Variants in DAB1 observed in about 807,000 individuals in gnomAD.
DAB1 encodes DAB adaptor protein 1.
DAB1 carries 15 observed loss-of-function variants against 64.6 expected under a neutral mutation model. The observed-to-expected ratio is 0.23, with a 90% CI of 0.16 to 0.36. The LOEUF is 0.36. Among genes scored for constraint, DAB1 ranks in the 10% least tolerant of loss-of-function variants. DAB1 has a pLI of 1.00. For synonymous variants in DAB1, 235 were observed against 251.9 expected (o/e 0.93, Z 0.64); for missense variants, 596 against 706.7 (o/e 0.84, Z 1.78).
At chr1:57,910,430 G>A (rs1644624669) in intron 5 of DAB1, among the ~76,000 whole-genome samples, 1 of 152,168 alleles carries the variant, frequency 6.6e-6, no homozygotes. Flanking sequence ...AATACCTTGG[G>A]AACAGCCGTT....
intron 4 of DAB1, among the ~76,000 whole-genome samples, chr1:57,113,820 T>C (rs1655874677): frequency 6.6e-6 from 1 of 152,200 alleles, no homozygotes; most frequent in South Asian, 2.1e-4. Flanking sequence ...ACTAGGTATA[T>C]ATAGCACTGA....
At chr1:58,372,638 C>T (rs1202486732) in intron 3 of DAB1, among the ~76,000 whole-genome samples, 1 of 152,188 alleles carries the variant, frequency 6.6e-6, no homozygotes, top group Non-Finnish European at 1.5e-5. Flanking sequence ...ACCCAAAGCT[C>T]ATCTTGAATT....
intron 6 of DAB1, among the ~76,000 whole-genome samples, chr1:57,681,092 A>T (rs900076550): frequency 3.3e-5 from 5 of 152,232 alleles, no homozygotes; most frequent in Admixed American, 3.3e-4. Context: ...TGAGACCAAG[A>T]TGTCAGCAGT....
At chr1:57,028,066 G>T (rs1159486866) in intron 9 of DAB1, among the ~76,000 whole-genome samples, 3 of 152,248 alleles carry the variant, frequency 2.0e-5, no homozygotes, top group Non-Finnish European at 4.4e-5. Context: ...GATGCTGTGG[G>T]AGTACCTAGA....
intron 6 of DAB1, among the ~76,000 whole-genome samples, chr1:57,781,182 T>G (rs1650083233): frequency 7.6e-6 from 1 of 131,838 alleles, no homozygotes; most frequent in Non-Finnish European, 1.6e-5. Context: ...AGTTGCCTAA[T>G]TACTTTTTCA....
intron 7 of DAB1, among the ~76,000 whole-genome samples, chr1:57,528,014 G>A (rs190654711): frequency 6.6e-6 from 1 of 151,922 alleles, no homozygotes; most frequent in African/African-American, 2.4e-5. Flanking sequence ...AAAGAAAATT[G>A]GCTTACAGAT....
At chr1:57,488,087 A>G (rs1177387607) in intron 7 of DAB1, among the ~76,000 whole-genome samples, 1 of 152,168 alleles carries the variant, frequency 6.6e-6, no homozygotes, top group Non-Finnish European at 1.5e-5. Context: ...TGCTGGATCA[A>G]TTGGTATGCA....
chr1:58,020,912 A>G (rs971254994), intron 5 of DAB1, among the ~76,000 whole-genome samples: 2 of 152,204 alleles, frequency 1.3e-5, no homozygotes, highest in Admixed American at 6.5e-5. Context: ...CTGAGGCAGG[A>G]GAATCACTTG....
At chr1:57,828,599 G>A (rs1652457260) in intron 1 of DAB1, among the ~76,000 whole-genome samples, 1 of 152,222 alleles carries the variant, frequency 6.6e-6, no homozygotes, top group African/African-American at 2.4e-5. Context: ...ATGCAGCCAT[G>A]TATGCATGTA....
At chr1:58,373,582 T>C (rs1644292480) in intron 3 of DAB1, among the ~76,000 whole-genome samples, 1 of 151,906 alleles carries the variant, frequency 6.6e-6, no homozygotes, top group Non-Finnish European at 1.5e-5. Flanking sequence ...TTGTTGGACA[T>C]TTGGGTTGGT....
intron 6 of DAB1, among the ~76,000 whole-genome samples, chr1:57,712,065 A>T (rs1647034877): frequency 6.6e-6 from 1 of 152,124 alleles, no homozygotes; most frequent in Non-Finnish European, 1.5e-5. Context: ...CCTGCAGATA[A>T]ATTTTTTACG....
chr1:57,963,129 T>C (rs1645567179), intron 5 of DAB1, among the ~76,000 whole-genome samples: 1 of 152,144 alleles, frequency 6.6e-6, no homozygotes, highest in African/African-American at 2.4e-5. Flanking sequence ...TCAGATACTG[T>C]GCTAGGTGCT....
intron 1 of DAB1, among the ~76,000 whole-genome samples, chr1:57,838,866 T>C (rs1652927721): frequency 1.3e-5 from 2 of 151,608 alleles, no homozygotes; most frequent in African/African-American, 4.9e-5. Flanking sequence ...AGCTTTGAGG[T>C]CCTGGGCTCA....
chr1:58,405,742 A>T (rs1227663106), intron 3 of DAB1, among the ~76,000 whole-genome samples: 1 of 152,246 alleles, frequency 6.6e-6, no homozygotes, highest in African/African-American at 2.4e-5. Context: ...CACTAGCATG[A>T]TGAATGAATG....
chr1:58,292,179 C>A lies in DAB1; in HGVS notation n.309+51173G>T, dbSNP rs1449616389. Among the ~76,000 whole-genome samples, 6 of 152,242 alleles carry A rather than the reference C, an allele frequency of 3.9e-5. No individual in the cohort carries two copies. In the South Asian group the frequency reaches 6.2e-4, roughly 16 times the overall value. ...CCTTCAGACTCAGGCTGAATTATATCCCCAGCTATCCTGGGTCTCCAGCTT... is the reference window on the plus strand; with the variant it reads ...CCTTCAGACTCAGGCTGAATTATATACCCAGCTATCCTGGGTCTCCAGCTT... On this transcript the variant is annotated intron_variant and non_coding_transcript_variant, in intron 4 of 20. Coordinates refer to the DAB1 transcript ENST00000485760.
rs550156178 is a variant in DAB1, at chr1:57,347,935, C to G, written c.-136-56769G>C. Among the ~76,000 whole-genome samples, 9 of 152,188 alleles carry G rather than the reference C, an allele frequency of 5.9e-5. No individual in the cohort carries two copies. The East Asian group carries it at 1.2e-3, about 20-fold the overall frequency. ...AGGGATGAGCTTTGGGGTTCCATCA[C>G]CCCTCTAAAACTGTAAGAAAATTCA... On this transcript the variant is annotated intron_variant, in intron 1 of 14. Coordinates refer to ENST00000371236, the MANE Select transcript of DAB1 (RefSeq NM_001365792.1).
intron 7 of DAB1, among the ~76,000 whole-genome samples, chr1:57,586,134 A>G (rs1645377625): frequency 6.6e-6 from 1 of 152,218 alleles, no homozygotes. Flanking sequence ...GCAAAAGCAT[A>G]GAAAATGGAA....
At chr1:57,665,755 CACACATATACAT>C (rs1037533058) in intron 6 of DAB1, among the ~76,000 whole-genome samples, 24 of 151,468 alleles carry the variant, frequency 1.6e-4, no homozygotes, top group Admixed American at 1.6e-3. Flanking sequence ...CAAACACACC[CACACATATACAT>C]ACACATATTC....
At chr1:57,454,743 C>T (rs1042509894) in intron 7 of DAB1, among the ~76,000 whole-genome samples, 7 of 151,954 alleles carry the variant, frequency 4.6e-5, no homozygotes, top group African/African-American at 7.3e-5. Context: ...TTCTCTAGAC[C>T]GGGAGGAAAA....
Sources: gnomAD v4.1 joint callset for allele counts (sites outside exome capture counted in the v4.1 genomes callset) on GRCh38, gnomAD v4.1.1 for gene constraint, MANE v1.5 for transcripts, NCBI Gene and HGNC (gene_info 2026-07-23, HGNC 2026-07-21) for gene names.